The following SSBP2 variants were observed in gnomAD, a reference collection of about 807,000 sequenced individuals.
The protein encoded by SSBP2 is single stranded DNA binding protein 2.
In SSBP2, 17 loss-of-function variants were observed where a neutral mutation model predicts 61.8. The observed-to-expected ratio is 0.28, with a 90% CI of 0.19 to 0.41. The LOEUF is 0.41. Among genes scored for constraint, SSBP2 ranks in the 10% least tolerant of loss-of-function variants. The pLI is 1.00. For synonymous variants in SSBP2, 139 were observed against 141.3 expected, an observed-to-expected ratio of 0.98 and a Z score of 0.12; for missense variants, 310 against 458.7, an observed-to-expected ratio of 0.68 and a Z score of 2.96.
At chr5:81,448,850 A>AT in intron 10 of SSBP2, 25 bp from the exon 11 acceptor site, 1 of 1,606,200 alleles carries the variant, frequency 6.2e-7, no homozygotes, top group East Asian at 2.2e-5. Flanking sequence ...GGACAAAAAA[A>AT]TTTTTGATTC....
At chr5:81,597,962 C>G (rs1743956470) in intron 4 of SSBP2, among the ~76,000 whole-genome samples, 1 of 151,562 alleles carries the variant, frequency 6.6e-6, no homozygotes, top group African/African-American at 2.4e-5. Flanking sequence ...ACATATGTAA[C>G]AAACCTGCAC....
intron 15 of SSBP2, among the ~76,000 whole-genome samples, chr5:81,432,762 G>A (rs1053019631): frequency 2.1e-5 from 3 of 142,746 alleles, no homozygotes; most frequent in Admixed American, 7.0e-5. Flanking sequence ...GGAGGTGGGG[G>A]GGTCAGCCCC....
intron 1 of SSBP2, among the ~76,000 whole-genome samples, chr5:81,692,336 T>C (rs1281696386): frequency 6.6e-6 from 1 of 151,898 alleles, no homozygotes; most frequent in African/African-American, 2.4e-5. Context: ...TATAAAACAC[T>C]GATGAAAGAA....
intron 2 of SSBP2, among the ~76,000 whole-genome samples, chr5:81,639,382 A>G (rs918524524): frequency 2.6e-5 from 4 of 152,234 alleles, no homozygotes; most frequent in African/African-American, 4.8e-5. Context: ...GTATTCATAC[A>G]GTGCCTTTTC....
intron 1 of SSBP2, among the ~76,000 whole-genome samples, chr5:81,675,489 A>G (rs1751897958): frequency 6.6e-6 from 1 of 152,186 alleles, no homozygotes; most frequent in South Asian, 2.1e-4. Context: ...TGCCAAAATA[A>G]AACGGTACAA....
At position 81,513,660 on chromosome 5, in the gene SSBP2, G is replaced by C. The variant is rs1358915855; in HGVS notation, c.340C>G (p.Pro114Ala). 6.2e-7 allele frequency: 1 copy of C among 1,612,624 alleles called. No homozygotes were observed. The highest frequency in any genetic ancestry group is 8.5e-7 in the Non-Finnish European group (1 of 1,178,894). Reference sequence around the variant, plus strand: ...AACCCTGGTGGTACAGGACCTACTGGCATGCCATCTCCTGGGGGAATGTTT... The same window carrying C: ...AACCCTGGTGGTACAGGACCTACTGCCATGCCATCTCCTGGGGGAATGTTT... Residue 114 changes from proline to alanine, a missense_variant, in exon 5 of 17, where the codon CCA becomes GCA. Pro to Ala is a conservative substitution (Grantham distance 27). This residue lies in a region of SSBP2 where 209 missense variants were observed against 286.4 expected (regional missense o/e 0.73). Transcript: ENST00000320672.
chr5:81,529,655 G>T (rs145951510), intron 4 of SSBP2, among the ~76,000 whole-genome samples: 274 of 152,186 alleles, frequency 1.8e-3, no homozygotes, highest in African/African-American at 6.3e-3. Context: ...TTGAAGAAAA[G>T]TTAAAGTGAT....
chr5:81,749,810 G>A (rs1300991059), intron 1 of SSBP2, among the ~76,000 whole-genome samples: 1 of 152,204 alleles, frequency 6.6e-6, no homozygotes, highest in East Asian at 1.9e-4. Context: ...GTGGCATCCC[G>A]GGCCGGGAGG....
rs756199866 is a variant in SSBP2, at chr5:81,489,323, A to G, written c.373-14T>C. 4.4e-6 allele frequency: 7 copies of G among 1,593,666 alleles called. No individual in the cohort carries two copies. In the South Asian group the frequency reaches 8.1e-5, roughly 18 times the overall value. On this transcript the variant is annotated splice_polypyrimidine_tract_variant and intron_variant, in intron 5 of 16. Transcript: ENST00000320672. The stretch of plus-strand genomic sequence containing the variant: ...TGACATAAAAGGCTATTGAAGTAAA[A>G]CAAATAAACAAACAAAACAAAAAAC...
intron 1 of SSBP2, among the ~76,000 whole-genome samples, chr5:81,728,844 C>A (rs950159417): frequency 3.9e-5 from 6 of 152,276 alleles, no homozygotes; most frequent in African/African-American, 1.2e-4. Context: ...TGAATCCCTA[C>A]TAAAACTGAG....
At chr5:81,466,828 C>T in intron 9 of SSBP2, 146 bp downstream of exon 9, 1 of 459,182 alleles carries the variant, frequency 2.2e-6, no homozygotes, top group Non-Finnish European at 3.9e-6. Context: ...CACACAGAGA[C>T]TGTGGTGCTC....
intron 1 of SSBP2, among the ~76,000 whole-genome samples, chr5:81,704,424 T>C (rs1340429063): frequency 6.6e-6 from 1 of 152,150 alleles, no homozygotes; most frequent in African/African-American, 2.4e-5. Flanking sequence ...TACATATGCA[T>C]ACAGGCACAC....
chr5:81,534,561 CAAAT>C (rs1288861709), intron 4 of SSBP2, among the ~76,000 whole-genome samples: 4 of 151,938 alleles, frequency 2.6e-5, no homozygotes, highest in Admixed American at 2.0e-4. Context: ...CACTGTTACA[CAAAT>C]AAAGAATGCC....
intron 4 of SSBP2, among the ~76,000 whole-genome samples, chr5:81,545,933 G>A (rs1561525525): frequency 6.6e-6 from 1 of 152,164 alleles, no homozygotes; most frequent in Non-Finnish European, 1.5e-5. Context: ...GAGCTAGACA[G>A]ATGAAATTTC....
chr5:81,457,821 C>T (rs376794668), intron 10 of SSBP2, among the ~76,000 whole-genome samples: 26 of 151,940 alleles, frequency 1.7e-4, no homozygotes, highest in African/African-American at 4.8e-4. Flanking sequence ...CTACCACACC[C>T]GGCTAATTTT....
chr5:81,644,934 G>T (rs1344056808), intron 2 of SSBP2, among the ~76,000 whole-genome samples: 1 of 152,088 alleles, frequency 6.6e-6, no homozygotes, highest in Non-Finnish European at 1.5e-5. Flanking sequence ...CACTTGGAAC[G>T]CACATGTACA....
At chr5:81,575,132 G>A (rs796547158) in intron 4 of SSBP2, among the ~76,000 whole-genome samples, 10 of 152,260 alleles carry the variant, frequency 6.6e-5, no homozygotes, top group African/African-American at 2.2e-4. Flanking sequence ...GCTGGGCGTG[G>A]TGGTGCATGC....
In SSBP2 at chr5:81,636,646, T is replaced by C. The variant is rs200022221; in HGVS notation, c.136-28A>G. 509 of 1,529,446 alleles carry C rather than the reference T, an allele frequency of 3.3e-4. 5 individuals are homozygous for C. The Admixed American group carries it at 8.2e-3, about 25-fold the overall frequency. 94.7% of individuals were successfully genotyped at this position (1,529,446 alleles called of 1,614,324 possible). A position where few individuals can be genotyped will look rare whatever the true frequency, so the allele number is the denominator to read the frequency against. On this transcript the variant is annotated intron_variant, in intron 2 of 16. Transcript: ENST00000320672. ...AAAATGAATAAAAGAGATATTACTT[T>C]CCTAATAATACTTTTTTCCACACAT...
At chr5:81,477,690 T>C (rs1765686875) in intron 6 of SSBP2, among the ~76,000 whole-genome samples, 1 of 148,792 alleles carries the variant, frequency 6.7e-6, no homozygotes, top group Non-Finnish European at 1.5e-5. Flanking sequence ...TAGGATCATA[T>C]ACCTCACTTT....
Sources: gnomAD v4.1 joint callset for allele counts (sites outside exome capture counted in the v4.1 genomes callset) on GRCh38, gnomAD v4.1.1 for gene constraint, gnomAD v4.1.1 regional missense constraint, MANE v1.5 for transcripts, NCBI Gene and HGNC (gene_info 2026-07-23, HGNC 2026-07-21) for gene names.